SRGAP1: variants seen among roughly 807,000 people sequenced by gnomAD.
SRGAP1 encodes the protein SLIT-ROBO Rho GTPase-activating protein 1.
A neutral mutation model predicts 121.9 loss-of-function variants in SRGAP1; 43 were observed. The observed-to-expected ratio is 0.35, with a 90% CI of 0.28 to 0.46. The LOEUF is 0.46. SRGAP1 is among the 20% of genes least tolerant of loss of function. The probability of loss-of-function intolerance (pLI) is 1.00; values close to 1 mark genes in which losing one functional copy is unlikely to be tolerated. For missense variants in SRGAP1, 1,102 were observed against 1,350.9 expected, an observed-to-expected ratio of 0.82 and a Z score of 2.89; for synonymous variants, 447 against 485.4, an observed-to-expected ratio of 0.92 and a Z score of 1.04.
chr12:63,891,051 A>G (rs1900561836), intron 1 of SRGAP1, among the ~76,000 whole-genome samples: 1 of 152,170 alleles, frequency 6.6e-6, no homozygotes, highest in Non-Finnish European at 1.5e-5. Context: ...TTCCTTGTAC[A>G]GAAGCCCTTC....
chr12:64,021,393 T>C (rs2034545699), intron 4 of SRGAP1, among the ~76,000 whole-genome samples: 1 of 152,230 alleles, frequency 6.6e-6, no homozygotes. Context: ...TACCACATGC[T>C]GATTATGTTG....
chr12:63,945,718 G>C (rs867735463), intron 1 of SRGAP1, among the ~76,000 whole-genome samples: 6 of 152,182 alleles, frequency 3.9e-5, no homozygotes, highest in Non-Finnish European at 8.8e-5. Context: ...CCACAGGGGA[G>C]CTCTGGAACT....
intron 1 of SRGAP1, among the ~76,000 whole-genome samples, chr12:63,916,982 T>TG (rs1291172584): frequency 6.6e-6 from 1 of 152,150 alleles, no homozygotes; most frequent in African/African-American, 2.4e-5. Context: ...TCATTTGGCA[T>TG]GGGCTGCTGA....
intron 1 of SRGAP1, among the ~76,000 whole-genome samples, chr12:63,900,309 G>A (rs1419621603): frequency 4.7e-5 from 7 of 149,524 alleles, no homozygotes; most frequent in Admixed American, 2.7e-4. Context: ...GGGTTCAAGC[G>A]ATTCTCCTGC....
At chr12:63,966,468 CTT>C (rs1194240847) in intron 1 of SRGAP1, among the ~76,000 whole-genome samples, 2 of 152,182 alleles carry the variant, frequency 1.3e-5, no homozygotes, top group Admixed American at 1.3e-4. Flanking sequence ...GAAATCTTCA[CTT>C]ATGCTAAGCT....
chr12:64,125,112 C>T (rs948370844), intron 18 of SRGAP1, among the ~76,000 whole-genome samples: 4 of 152,160 alleles, frequency 2.6e-5, no homozygotes, highest in Non-Finnish European at 5.9e-5. Context: ...GGCCGCTTCC[C>T]TCCATCACCT....
At chr12:64,013,573 A>G (rs1294846886) in intron 3 of SRGAP1, among the ~76,000 whole-genome samples, 1 of 152,210 alleles carries the variant, frequency 6.6e-6, no homozygotes, top group Non-Finnish European at 1.5e-5. Flanking sequence ...CCAAGGGTCT[A>G]CCTACTGAAA....
intron 8 of SRGAP1, among the ~76,000 whole-genome samples, chr12:64,065,961 A>G (rs2035532742): frequency 6.6e-6 from 1 of 152,230 alleles, no homozygotes; most frequent in African/African-American, 2.4e-5. Context: ...CAATTATACA[A>G]TTCAGCTGCC....
chr12:63,882,781 T>G (rs1900238731), intron 1 of SRGAP1, among the ~76,000 whole-genome samples: 2 of 152,244 alleles, frequency 1.3e-5, no homozygotes, highest in African/African-American at 4.8e-5. Context: ...ACTTCTTAGA[T>G]GGCTAAGAGC....
chr12:64,080,335 C>A lies in SRGAP1; in HGVS notation c.1373C>A (p.Ala458Asp). The A allele has an allele frequency of 7.4e-6, 12 of 1,613,764 alleles. No homozygotes were observed. Among genetic ancestry groups the A allele is most frequent in the Non-Finnish European group, 9.3e-6 (11 of 1,179,864 alleles). Reference sequence around the variant, plus strand: ...AGTAATCTCATCACAAAACTTCAAGCCAAACATGACTTGCTGCAGAGGACC... The same window carrying A: ...AGTAATCTCATCACAAAACTTCAAGACAAACATGACTTGCTGCAGAGGACC... The part of the protein sequence containing the change: ...EGSNLITKLQ[A>D]KHDLLQRTLG... Residue 458 changes from alanine to aspartate, a missense_variant, in exon 10 of 22, where the codon GCC becomes GAC. Transcript: ENST00000355086.
At chr12:64,022,951 G>A (rs1439789941) in intron 4 of SRGAP1, among the ~76,000 whole-genome samples, 1 of 152,038 alleles carries the variant, frequency 6.6e-6, no homozygotes, top group East Asian at 1.9e-4. Flanking sequence ...AAGAGGAAAA[G>A]TACAGCTGAG....
intron 8 of SRGAP1, among the ~76,000 whole-genome samples, chr12:64,066,196 T>G (rs2035536908): frequency 6.6e-6 from 1 of 152,230 alleles, no homozygotes; most frequent in Non-Finnish European, 1.5e-5. Flanking sequence ...TTTCTTCATG[T>G]GTGTTGGTAG....
At chr12:64,123,336 A>G (rs1413071806) in intron 18 of SRGAP1, among the ~76,000 whole-genome samples, 1 of 151,832 alleles carries the variant, frequency 6.6e-6, no homozygotes, top group East Asian at 1.9e-4. Flanking sequence ...ACAAAATGAG[A>G]CCCTGTCTCA....
chr12:64,112,020 C>A, intron 17 of SRGAP1, 34 bp downstream of exon 17: 1 of 1,532,834 alleles, frequency 6.5e-7, no homozygotes, highest in Non-Finnish European at 9.0e-7. Context: ...CCTCTCCCAC[C>A]GAAAATTATG....
intron 1 of SRGAP1, among the ~76,000 whole-genome samples, chr12:63,938,557 T>A (rs1429123851): frequency 3.3e-5 from 5 of 152,176 alleles, no homozygotes; most frequent in Non-Finnish European, 7.4e-5. Context: ...CCTGTTCCTC[T>A]CTTTTCTTCC....
At chr12:63,879,463 A>G (rs1170906864) in intron 1 of SRGAP1, 2 of 152,154 alleles carry the variant, frequency 1.3e-5, no homozygotes, top group Non-Finnish European at 1.5e-5. Flanking sequence ...GTACAATACA[A>G]TGAATTAATA....
At chr12:64,004,563 G>T (rs960820544) in intron 3 of SRGAP1, among the ~76,000 whole-genome samples, 8 of 152,038 alleles carry the variant, frequency 5.3e-5, no homozygotes, top group East Asian at 1.9e-4. Flanking sequence ...GTAGAGACAG[G>T]GTTTCACCAT....
chr12:63,882,608 A>T (rs925262681), intron 1 of SRGAP1, among the ~76,000 whole-genome samples: 1 of 152,194 alleles, frequency 6.6e-6, no homozygotes, highest in Non-Finnish European at 1.5e-5. Context: ...TAATTAAAAA[A>T]TTTTAAAGAC....
chr12:63,998,045 C>G (rs1228906874), intron 3 of SRGAP1, among the ~76,000 whole-genome samples: 2 of 152,140 alleles, frequency 1.3e-5, no homozygotes, highest in Admixed American at 1.3e-4. Context: ...GTCTACATCC[C>G]CACCTCCCTT....
Sources: gnomAD v4.1 joint callset for allele counts (sites outside exome capture counted in the v4.1 genomes callset) on GRCh38, gnomAD v4.1.1 for gene constraint, MANE v1.5 for transcripts, NCBI Gene and HGNC (gene_info 2026-07-23, HGNC 2026-07-21) for gene names.